The following URB2 variants were observed in gnomAD, a reference collection of about 807,000 sequenced individuals.
The protein encoded by URB2 is URB2 ribosome biogenesis homolog.
URB2 carries 86 observed loss-of-function variants against 120.9 expected under a neutral mutation model. The ratio of observed to expected loss-of-function variants is 0.71; its 90% confidence interval spans 0.60 to 0.85. The LOEUF (loss-of-function observed/expected upper bound fraction) is 0.85, where lower values mean the gene tolerates loss of function less well. Ranked by LOEUF, URB2 falls within the 40% of genes least tolerant of loss-of-function variation. The pLI, the probability that URB2 is intolerant of heterozygous loss-of-function variation, is 0.00. For missense variants in URB2, 1,765 were observed against 1,836.5 expected, an observed-to-expected ratio of 0.96 and a Z score of 0.71; for synonymous variants, 755 against 758.4, an observed-to-expected ratio of 1.00 and a Z score of 0.07.
chr1:229,633,404 A>T (rs1276061739), intron 3 of URB2, among the ~76,000 whole-genome samples: 1 of 152,252 alleles, frequency 6.6e-6, no homozygotes, highest in Non-Finnish European at 1.5e-5. Context: ...TGTATGCTTC[A>T]TAATTATATA....
At position 229,636,429 on chromosome 1, in the gene URB2, G is replaced by A. The variant is rs151088064; in HGVS notation, c.1816G>A (p.Val606Met). The change falls in exon 4 of 10, where the codon GTG (valine) becomes ATG (methionine). Residue 606 changes from valine to methionine, a missense_variant. Transcript: ENST00000258243. ...ELWLQKVSDS[V>M]LLLSYTWAQV... ...GTGGCTGCAGAAGGTCAGTGACTCTGTGCTCCTGCTCTCTTACACTTGGGC... is the reference window on the plus strand; with the variant it reads ...GTGGCTGCAGAAGGTCAGTGACTCTATGCTCCTGCTCTCTTACACTTGGGC... The A allele has an allele frequency of 6.2e-7, 1 of 1,614,114 alleles. No homozygotes were observed. Among genetic ancestry groups the A allele is most frequent in the African/African-American group, 1.3e-5 (1 of 74,946 alleles).
intron 4 of URB2, among the ~76,000 whole-genome samples, chr1:229,640,815 C>G (rs989084916): frequency 3.3e-5 from 5 of 151,956 alleles, no homozygotes; most frequent in Admixed American, 3.3e-4. Context: ...GTGTTAGGGT[C>G]TCTTTTAGCG....
chr1:229,647,880 A>C, intron 7 of URB2, 128 bp downstream of exon 7: 1 of 1,423,594 alleles, frequency 7.0e-7, no homozygotes, highest in Non-Finnish European at 9.3e-7. Flanking sequence ...TGCTAGGCAA[A>C]CTTTCTGTTC....
At chr1:229,651,135 A>G (rs1220876897) in intron 7 of URB2, 100 bp from the exon 8 acceptor site, 4 of 1,171,150 alleles carry the variant, frequency 3.4e-6, no homozygotes, top group Non-Finnish European at 4.6e-6. Context: ...GAGTGTCCCG[A>G]TAGACTAGGC....
In URB2 at chr1:229,637,851, G is replaced by A. The variant is rs1366302765; in HGVS notation, c.3238G>A (p.Ala1080Thr). The change falls in exon 4 of 10, where the codon GCC becomes ACC. Residue 1080 changes from alanine (A) to threonine (T), a missense_variant. Transcript: ENST00000258243. ...FLKEQKLGQE[A>T]PAALSELLQQ... ...CAAAGAGCAGAAGCTGGGCCAAGAG[G>A]CCCCAGCAGCACTGTCTGAGCTGCT... 6.2e-7 allele frequency: 1 copy of A among 1,603,922 alleles called. No homozygotes were observed. Among genetic ancestry groups the A allele is most frequent in the African/African-American group, 1.3e-5 (1 of 74,440 alleles).
chr1:229,643,719 G>A (rs1167478095), intron 5 of URB2, 26 bp downstream of exon 5: 2 of 1,601,442 alleles, frequency 1.2e-6, no homozygotes. Context: ...CTCCTTGTGT[G>A]GCAGGCTCAG....
intron 7 of URB2, among the ~76,000 whole-genome samples, chr1:229,649,350 G>A (rs1040151838): frequency 1.3e-5 from 2 of 152,128 alleles, no homozygotes; most frequent in African/African-American, 4.8e-5. Flanking sequence ...TCTCTCTGCT[G>A]ATGTTAGATT....
intron 8 of URB2, among the ~76,000 whole-genome samples, chr1:229,651,683 A>T (rs887126247): frequency 6.6e-5 from 10 of 152,182 alleles, no homozygotes; most frequent in Non-Finnish European, 1.5e-4. Flanking sequence ...GAAAAGGAAC[A>T]GGCAGGTATA....
intron 2 of URB2, 112 bp from the exon 3 acceptor site, chr1:229,632,157 C>T (rs927256276): frequency 3.0e-5 from 26 of 878,640 alleles, no homozygotes; most frequent in South Asian, 1.1e-4. Flanking sequence ...GGTTCTCCCC[C>T]GCCGCCCCCG....
Position 229,643,587 on chromosome 1 carries a change from T to C in URB2, c.3689T>C (p.Leu1230Ser). The stretch of plus-strand genomic sequence containing the variant: ...GATATTGAGCCTCATTTGGGAGCCT[T>C]GTTCACCCAAATGTTAGAGGTTGGG... ...TQDIEPHLGA[L>S]FTQMLEVGTT... Residue 1230 changes from leucine (L) to serine (S), a missense_variant, in exon 5 of 10, where the codon TTG becomes TCG. Physicochemically the swap from Leu to Ser is moderately radical, Grantham distance 145. Transcript: ENST00000258243. 1.2e-6 allele frequency: 2 copies of C among 1,614,208 alleles called. No homozygotes were observed. Among genetic ancestry groups the C allele is most frequent in the Non-Finnish European group, 1.7e-6 (2 of 1,180,028 alleles).
intron 2 of URB2, 149 bp from the exon 3 acceptor site, chr1:229,632,120 A>T: frequency 2.0e-6 from 1 of 510,142 alleles, no homozygotes; most frequent in South Asian, 6.3e-5. Flanking sequence ...CGTAAGTAAT[A>T]TTATCAAAGG....
In URB2 at chr1:229,637,510, AT is replaced by A; in HGVS notation, c.2898del (p.Tyr966Ter). The A allele has an allele frequency of 6.2e-7, 1 of 1,614,178 alleles. No individual in the cohort carries two copies. Among genetic ancestry groups the A allele is most frequent in the Non-Finnish European group, 8.5e-7 (1 of 1,180,028 alleles). Reference sequence around the variant, plus strand: ...GCTCGCTCTGTGTTCAAGATCATGTATGGTAGTGATATTTTTGAGGTTGTAC... The same window carrying A: ...GCTCGCTCTGTGTTCAAGATCATGTAGGTAGTGATATTTTTGAGGTTGTAC... ...KSARSVFKIM[Y>X]GSDIFEVVLT... On this transcript the variant is annotated frameshift_variant, in exon 4 of 10. Coordinates refer to ENST00000258243, the MANE Select transcript of URB2 (RefSeq NM_014777.4). LOFTEE classifies it high-confidence loss of function.
chr1:229,632,580 T>A (rs1034653725), intron 3 of URB2, 135 bp downstream of exon 3: 1 of 705,606 alleles, frequency 1.4e-6, no homozygotes, highest in Non-Finnish European at 2.1e-6. Context: ...TGTAATATTA[T>A]TGGAATTAAA....
intron 1 of URB2, among the ~76,000 whole-genome samples, chr1:229,626,661 T>G (rs897503698): frequency 6.6e-6 from 1 of 152,252 alleles, no homozygotes; most frequent in African/African-American, 2.4e-5. Flanking sequence ...GACTTCGCAT[T>G]GCCCGGTAAG....
At chr1:229,654,421 C>T (rs1666358579) in intron 9 of URB2, 33 bp downstream of exon 9, 4 of 1,613,714 alleles carry the variant, frequency 2.5e-6, no homozygotes, top group Non-Finnish European at 1.7e-6. Context: ...TCACCAAGTA[C>T]TGTGTTTATG....
At chr1:229,629,210 T>G (rs12127852) in intron 2 of URB2, among the ~76,000 whole-genome samples, 19,535 of 152,216 alleles carry the variant, frequency 0.13, 1,905 homozygotes, top group East Asian at 0.42. Flanking sequence ...CTTGTATGAT[T>G]TCATATCAAC....
At chr1:229,658,150 C>T (rs1666447153) in intron 9 of URB2, among the ~76,000 whole-genome samples, 1 of 152,190 alleles carries the variant, frequency 6.6e-6, no homozygotes, top group Non-Finnish European at 1.5e-5. Flanking sequence ...GTTCCCAGAA[C>T]TGTTCATTAC....
At chr1:229,632,180 T>C in intron 2 of URB2, 89 bp from the exon 3 acceptor site, 1 of 1,252,328 alleles carries the variant, frequency 8.0e-7, no homozygotes, top group Non-Finnish European at 1.0e-6. Flanking sequence ...GCAATTGGAT[T>C]TGCTTATACC....
intron 7 of URB2, among the ~76,000 whole-genome samples, chr1:229,649,096 A>G: frequency 6.6e-6 from 1 of 152,370 alleles, no homozygotes; most frequent in African/African-American, 2.4e-5. Context: ...TGTTGTTTAT[A>G]CAGTATGCCT....
Sources: allele counts gnomAD v4.1 joint callset (sites outside exome capture counted in the v4.1 genomes callset), GRCh38; gene constraint gnomAD v4.1.1; transcripts MANE v1.5; gene names NCBI Gene and HGNC (gene_info 2026-07-23, HGNC 2026-07-21).